Variants in ESYT2 observed in about 807,000 individuals in gnomAD.
ESYT2 encodes the protein extended synaptotagmin 2, also known as extended synaptotagmin-2.
Under a neutral mutation model 107.2 loss-of-function variants are expected in ESYT2, and 54 were observed. The ratio of observed to expected loss-of-function variants is 0.50; its 90% CI spans 0.40 to 0.63. The LOEUF (loss-of-function observed/expected upper bound fraction) is 0.63, where lower values mean the gene tolerates loss of function less well. Ranked by LOEUF, ESYT2 falls within the 30% of genes least tolerant of loss-of-function variation. The pLI is 0.00. For missense variants in ESYT2, 1,020 were observed against 1,094.5 expected, an observed-to-expected ratio of 0.93 and a Z score of 0.96; for synonymous variants, 491 against 434.1, an observed-to-expected ratio of 1.13 and a Z score of -1.63.
At chr7:158,759,921 T>C in intron 12 of ESYT2, 137 bp downstream of exon 12, 1 of 738,416 alleles carries the variant, frequency 1.4e-6, no homozygotes, top group South Asian at 1.8e-5. Context: ...GATGCTACTG[T>C]AGTGACTTAT....
At chr7:158,808,830 G>A (rs1165618276) in intron 1 of ESYT2, among the ~76,000 whole-genome samples, 1 of 149,466 alleles carries the variant, frequency 6.7e-6, no homozygotes, top group East Asian at 2.0e-4. Flanking sequence ...AAAAATTAAC[G>A]AGGTGTGGTG....
At position 158,781,125 on chromosome 7, in the gene ESYT2, G is replaced by A. The variant is rs149760956; in HGVS notation, c.747+6879C>T. On this transcript the variant is annotated intron_variant, in intron 6 of 22. Coordinates refer to ENST00000275418, the MANE Select transcript of ESYT2 (RefSeq NM_001367773.1). ...CATGTCAGAACAAGTACGAGAGAACGAGAACAAGTGTGAAACGAATGTGAG... is the reference window on the plus strand; with the variant it reads ...CATGTCAGAACAAGTACGAGAGAACAAGAACAAGTGTGAAACGAATGTGAG... Among the ~76,000 whole-genome samples the A allele has an allele frequency of 8.9e-3, 1,351 of 152,336 alleles. 8 individuals are homozygous for A. Among genetic ancestry groups the A allele is most frequent in the Non-Finnish European group, 0.013 (910 of 68,020 alleles).
At chr7:158,763,279 C>CTTAT (rs1008510360) in intron 9 of ESYT2, 114 bp from the exon 10 acceptor site, 16 of 383,498 alleles carry the variant, frequency 4.2e-5, no homozygotes, top group African/African-American at 2.1e-4. Flanking sequence ...GTGGTAAATC[C>CTTAT]TTATTTATTT....
intron 6 of ESYT2, among the ~76,000 whole-genome samples, chr7:158,781,132 A>C (rs1838774392): frequency 6.6e-6 from 1 of 152,260 alleles, no homozygotes; most frequent in Non-Finnish European, 1.5e-5. Context: ...AACGAGAACA[A>C]GTGTGAAACG....
chr7:158,751,807 G>T (rs1404499577), intron 14 of ESYT2, among the ~76,000 whole-genome samples: 6 of 152,136 alleles, frequency 3.9e-5, no homozygotes, highest in Non-Finnish European at 7.4e-5. Context: ...TGATTTCAGG[G>T]CCTTCAGCCT....
At chr7:158,773,841 A>C (rs1464043426) in intron 6 of ESYT2, among the ~76,000 whole-genome samples, 1 of 152,230 alleles carries the variant, frequency 6.6e-6, no homozygotes, top group East Asian at 1.9e-4. Context: ...AAAATACTGT[A>C]TCCATTTACA....
chr7:158,757,031 C>G lies in ESYT2; in HGVS notation c.1419+2455G>C, dbSNP rs143094704. Among the ~76,000 whole-genome samples the G allele has an allele frequency of 7.3e-5, 11 of 150,404 alleles. No homozygotes were observed. The East Asian group carries it at 1.2e-3, about 16-fold the overall frequency. On this transcript the variant is annotated intron_variant, in intron 13 of 22. Transcript: ENST00000275418. ...GAACCACAAGAAAATGAATTTTAATCATTATGGCTTCATTTCTCCTCAGGA... is the reference window on the plus strand; with the variant it reads ...GAACCACAAGAAAATGAATTTTAATGATTATGGCTTCATTTCTCCTCAGGA...
At chr7:158,734,293 A>T (rs1212234652) in intron 22 of ESYT2, 41 bp from the exon 23 acceptor site, 1 of 1,613,772 alleles carries the variant, frequency 6.2e-7, no homozygotes, top group African/African-American at 1.3e-5. Flanking sequence ...CGGATACAGG[A>T]CCAAGTAGGA....
intron 7 of ESYT2, among the ~76,000 whole-genome samples, chr7:158,771,346 T>G (rs1289761901): frequency 6.6e-6 from 1 of 152,254 alleles, no homozygotes; most frequent in Non-Finnish European, 1.5e-5. Flanking sequence ...TCCATTTGGC[T>G]AAACAGTATC....
intron 10 of ESYT2, among the ~76,000 whole-genome samples, chr7:158,761,963 A>G (rs1395300497): frequency 1.3e-5 from 2 of 152,210 alleles, no homozygotes; most frequent in African/African-American, 4.8e-5. Context: ...CAACTCCAGT[A>G]GGGTTGTGCG....
Position 158,732,668 on chromosome 7 carries a change from G to A in ESYT2, c.*1539C>T, listed in dbSNP as rs1313152857. 3 of 152,606 alleles carry A rather than the reference G, an allele frequency of 2.0e-5. No homozygotes were observed. Among genetic ancestry groups the A allele is most frequent in the African/African-American group, 7.2e-5 (3 of 41,438 alleles). The allele number at this position is 152,606 out of a possible 1,614,324, so 9.5% of individuals were successfully genotyped here. ...ATAAGAATCTGCTAGAAGGGAGGGT[G>A]GGTAGACGCCACCCGCCCCGTCACA... On this transcript the variant is annotated 3_prime_UTR_variant, in exon 23 of 23. Transcript: ENST00000275418.
At chr7:158,767,811 C>A in intron 7 of ESYT2, 37 bp from the exon 8 acceptor site, 1 of 1,590,830 alleles carries the variant, frequency 6.3e-7, no homozygotes, top group Non-Finnish European at 8.6e-7. Flanking sequence ...AACGGACTAT[C>A]AGACATGTGA....
At chr7:158,757,183 C>T (rs1837787638) in intron 13 of ESYT2, among the ~76,000 whole-genome samples, 1 of 151,916 alleles carries the variant, frequency 6.6e-6, no homozygotes, top group South Asian at 2.1e-4. Flanking sequence ...ACAAAACAAG[C>T]ACAAAATAAA....
At chr7:158,761,650 T>C in intron 10 of ESYT2, 106 bp from the exon 11 acceptor site, 1 of 1,018,680 alleles carries the variant, frequency 9.8e-7, no homozygotes, top group Non-Finnish European at 1.5e-6. Flanking sequence ...ACCTTAAGCA[T>C]TTGTCTATGA....
intron 7 of ESYT2, among the ~76,000 whole-genome samples, chr7:158,769,864 T>C (rs990453952): frequency 6.6e-6 from 1 of 152,220 alleles, no homozygotes; most frequent in Non-Finnish European, 1.5e-5. Context: ...GCTCATTTTA[T>C]AAAGCTTGGG....
intron 1 of ESYT2, among the ~76,000 whole-genome samples, chr7:158,810,970 A>G (rs1188252707): frequency 1.3e-5 from 2 of 151,332 alleles, no homozygotes; most frequent in Admixed American, 6.6e-5. Flanking sequence ...ATTGTATGGT[A>G]TGTGAATTAT....
intron 1 of ESYT2, among the ~76,000 whole-genome samples, chr7:158,816,657 C>T (rs143699310): frequency 6.6e-6 from 1 of 152,206 alleles, no homozygotes; most frequent in South Asian, 2.1e-4. Context: ...TTGTCACAGG[C>T]GCCCTAATGC....
At chr7:158,755,150 T>C (rs1257818421) in intron 13 of ESYT2, among the ~76,000 whole-genome samples, 1 of 152,184 alleles carries the variant, frequency 6.6e-6, no homozygotes, top group Non-Finnish European at 1.5e-5. Context: ...CTGGTGGCAA[T>C]GCACTCCTGG....
At chr7:158,819,741 C>A (rs1033912774) in intron 1 of ESYT2, among the ~76,000 whole-genome samples, 2 of 152,002 alleles carry the variant, frequency 1.3e-5, no homozygotes, top group African/African-American at 4.8e-5. Context: ...GTTTTTGAAA[C>A]CTGTCTAGCC....
Sources: allele counts gnomAD v4.1 joint callset (sites outside exome capture counted in the v4.1 genomes callset), GRCh38; gene constraint gnomAD v4.1.1; transcripts MANE v1.5; gene names NCBI Gene and HGNC (gene_info 2026-07-23, HGNC 2026-07-21).